AKAP10: variants seen among roughly 807,000 people sequenced by gnomAD.
AKAP10 encodes the protein A-kinase anchoring protein 10.
Under a neutral mutation model 80.8 loss-of-function variants are expected in AKAP10, and 24 were observed. That is an observed-to-expected ratio of 0.30 (90% confidence interval 0.22 to 0.42). The LOEUF (loss-of-function observed/expected upper bound fraction) is 0.42. AKAP10 is among the 10% of genes least tolerant of loss of function. The pLI is 1.00. For missense variants in AKAP10, 661 were observed against 794.9 expected (o/e 0.83, Z 2.03); for synonymous variants, 291 against 277.7 (o/e 1.05, Z -0.48).
rs760201438 is a variant in AKAP10, at chr17:19,962,293, TATAC to T, written c.319+543_319+546del. 2.9e-3 allele frequency among the ~76,000 whole-genome samples: 381 copies of T among 132,146 alleles called. 2 individuals are homozygous for T. Among genetic ancestry groups the T allele is most frequent in the African/African-American group, 7.2e-3 (248 of 34,524 alleles). The allele number at this position is 132,146 out of a possible 152,430, so 86.7% of individuals were successfully genotyped here. ...ATACATACATACATACATACATACA[TATAC>T]ACACACACACACACACACACACACA... On this transcript the variant is annotated intron_variant, in intron 3 of 14. Coordinates refer to ENST00000225737, the MANE Select transcript of AKAP10 (RefSeq NM_007202.4).
chr17:19,910,349 TCAC>T (rs1211616978), intron 12 of AKAP10, among the ~76,000 whole-genome samples: 2 of 116,654 alleles, frequency 1.7e-5, no homozygotes, highest in East Asian at 2.1e-4. Flanking sequence ...AAAACCACTA[TCAC>T]CACCACCACC....
At chr17:19,954,359 T>G (rs910665780) in intron 4 of AKAP10, among the ~76,000 whole-genome samples, 1 of 151,994 alleles carries the variant, frequency 6.6e-6, no homozygotes. Context: ...CAACAAATGG[T>G]ATTAGAACAA....
Position 19,916,883 on chromosome 17 carries a change from G to A in AKAP10, c.1834+3153C>T, listed in dbSNP as rs148584564. Among the ~76,000 whole-genome samples the A allele has an allele frequency of 4.4e-3, 672 of 151,894 alleles. 1 individual carries two copies. Among genetic ancestry groups the A allele is most frequent in the Middle Eastern group, 0.02 (6 of 294 alleles). ...ACCTGGCAGGCAGAGCTTGCAGTGA[G>A]CCGACATCGTGCCACTACACTCCAG... On this transcript the variant is annotated intron_variant, in intron 12 of 14. Coordinates refer to ENST00000225737, the MANE Select transcript of AKAP10 (RefSeq NM_007202.4).
chr17:19,949,544 A>G (rs1326789142), intron 4 of AKAP10, among the ~76,000 whole-genome samples: 3 of 150,668 alleles, frequency 2.0e-5, no homozygotes, highest in Admixed American at 2.0e-4. Flanking sequence ...GGCTGAGGAG[A>G]GCGAATCACA....
intron 5 of AKAP10, among the ~76,000 whole-genome samples, chr17:19,946,236 A>T (rs76237096): frequency 0.11 from 2,446 of 22,790 alleles, 401 homozygotes; most frequent in African/African-American, 0.21. Context: ...ATATATATAT[A>T]TTATATATAT....
intron 12 of AKAP10, among the ~76,000 whole-genome samples, chr17:19,914,744 T>G (rs554711719): frequency 1.3e-4 from 19 of 150,876 alleles, no homozygotes; most frequent in Non-Finnish European, 2.2e-4. Flanking sequence ...TCTGAAGAGA[T>G]AATATTGAGA....
At chr17:19,931,443 T>G (rs1267446588) in intron 10 of AKAP10, among the ~76,000 whole-genome samples, 1 of 150,566 alleles carries the variant, frequency 6.6e-6, no homozygotes, top group East Asian at 2.0e-4. Context: ...CAGGCTGGAG[T>G]GCAGTGGCGT....
intron 2 of AKAP10, among the ~76,000 whole-genome samples, chr17:19,965,758 T>G (rs1156297223): frequency 3.3e-5 from 5 of 152,200 alleles, no homozygotes; most frequent in African/African-American, 4.8e-5. Flanking sequence ...TCAGTTTGAC[T>G]AATTCAACAA....
intron 10 of AKAP10, among the ~76,000 whole-genome samples, chr17:19,924,999 A>G (rs908715169): frequency 7.2e-5 from 11 of 152,064 alleles, no homozygotes; most frequent in Admixed American, 5.9e-4. Context: ...CCCAGTTTCT[A>G]CTAAAAATAA....
At chr17:19,920,877 AAAAAAAAAG>A in intron 11 of AKAP10, among the ~76,000 whole-genome samples, 2 of 149,394 alleles carry the variant, frequency 1.3e-5, no homozygotes, top group Middle Eastern at 3.5e-3. Context: ...AAAAAAAAAA[AAAAAAAAAG>A]CAAAAAATAC....
chr17:19,969,792 G>A lies in AKAP10; in HGVS notation c.89-1331C>T, dbSNP rs115099277. 4.4e-3 allele frequency among the ~76,000 whole-genome samples: 662 copies of A among 152,110 alleles called. 4 individuals carry two copies. The highest frequency in any genetic ancestry group is 0.015 in the African/African-American group (643 of 41,496). ...TCAAAAAGTCTACATTCAAGTGTGT[G>A]GAGACTAACATGAAAAAAATAAATA... On this transcript the variant is annotated intron_variant, in intron 1 of 14. Coordinates refer to ENST00000225737, the MANE Select transcript of AKAP10 (RefSeq NM_007202.4).
chr17:19,940,547 T>C (rs2152414395), intron 7 of AKAP10, among the ~76,000 whole-genome samples: 1 of 152,338 alleles, frequency 6.6e-6, no homozygotes, highest in South Asian at 2.1e-4. Flanking sequence ...TTTACTACTT[T>C]TTTTCTCTTC....
intron 7 of AKAP10, 41 bp downstream of exon 7, chr17:19,940,846 G>A: frequency 6.5e-7 from 1 of 1,546,942 alleles, no homozygotes; most frequent in South Asian, 1.3e-5. Flanking sequence ...GTTAGAGGCT[G>A]GAATGCTCGA....
chr17:19,932,048 A>T (rs535597575), intron 9 of AKAP10, 70 bp from the exon 10 acceptor site: 1 of 1,370,746 alleles, frequency 7.3e-7, no homozygotes, highest in East Asian at 2.5e-5. Flanking sequence ...AAATAAATAA[A>T]TTTTACCTAT....
rs1219095211 is a variant in AKAP10, at chr17:19,946,243, A to T, written c.976+1164T>A. 1.4e-3 allele frequency among the ~76,000 whole-genome samples: 17 copies of T among 11,942 alleles called. 1 individual carries two copies. The East Asian group carries it at 0.017, about 12-fold the overall frequency. The allele number at this position is 11,942 out of a possible 152,430, so 7.8% of individuals were successfully genotyped here. On this transcript the variant is annotated intron_variant, in intron 5 of 14. Coordinates refer to ENST00000225737, the MANE Select transcript of AKAP10 (RefSeq NM_007202.4). ...TATTTTATATATATATATATTATAT[A>T]TATATATATATATATATATATATAT...
At chr17:19,947,123 G>A (rs1389435777) in intron 5 of AKAP10, 5 of 386,928 alleles carry the variant, frequency 1.3e-5, no homozygotes, top group African/African-American at 2.1e-5. Flanking sequence ...GGTCTGTGCC[G>A]GTTAGCGTAG....
chr17:19,943,469 AG>A (rs1052625855), intron 5 of AKAP10, among the ~76,000 whole-genome samples: 1 of 152,142 alleles, frequency 6.6e-6, no homozygotes, highest in Non-Finnish European at 1.5e-5. Flanking sequence ...CAGAATGGGG[AG>A]GGGGGCTTCT....
rs562498114 is a variant in AKAP10 at position 19,931,844 on chromosome 17, A to C, written c.1602T>G (p.Asp534Glu). Residue 534 changes from aspartate to glutamate, a missense_variant, in exon 10 of 15, where the codon GAT (aspartate) becomes GAG (glutamate). Transcript: ENST00000225737. Reference sequence around the variant, plus strand: ...TGTCAGAACTCCCTGGGTGAGACTCATCAGGAGGGCCAACAGAGCCAGGAG... The same window carrying C: ...TGTCAGAACTCCCTGGGTGAGACTCCTCAGGAGGGCCAACAGAGCCAGGAG... The part of the protein sequence containing the change: ...LTAPGSVGPP[D>E]ESHPGSSDSS... 4.0e-5 allele frequency: 65 copies of C among 1,614,122 alleles called. No individual in the cohort carries two copies. The highest frequency in any genetic ancestry group is 1.7e-4 in the Middle Eastern group (1 of 6,060).
At chr17:19,914,650 AG>A (rs1365271934) in intron 12 of AKAP10, among the ~76,000 whole-genome samples, 89 of 149,086 alleles carry the variant, frequency 6.0e-4, no homozygotes, top group African/African-American at 2.1e-3. Flanking sequence ...AAAAAAAAAA[AG>A]ATAAAAGGAA....
Sources: allele counts gnomAD v4.1 joint callset (sites outside exome capture counted in the v4.1 genomes callset), GRCh38; gene constraint gnomAD v4.1.1; transcripts MANE v1.5; gene names NCBI Gene and HGNC (gene_info 2026-07-23, HGNC 2026-07-21).